Variants in ATP8A1 observed in about 807,000 individuals in gnomAD.
ATP8A1 encodes ATPase phospholipid transporting 8A1.
ATP8A1 carries 90 observed loss-of-function variants against 177.7 expected under a neutral mutation model. The observed-to-expected ratio is 0.51, with a 90% CI of 0.43 to 0.60. ATP8A1 has a LOEUF of 0.60. ATP8A1 is among the 20% of genes least tolerant of loss of function. The pLI, the probability that ATP8A1 is intolerant of heterozygous loss-of-function variation, is 0.00. For missense variants in ATP8A1, 1,072 were observed against 1,392.8 expected, an observed-to-expected ratio of 0.77 and a Z score of 3.67; for synonymous variants, 493 against 485.9, an observed-to-expected ratio of 1.01 and a Z score of -0.19.
intron 15 of ATP8A1, among the ~76,000 whole-genome samples, chr4:42,560,111 T>C (rs61181787): frequency 0.042 from 6,449 of 152,244 alleles, 185 homozygotes; most frequent in African/African-American, 0.079. Context: ...AAGCTTTTTA[T>C]GGAATATGAA....
chr4:42,471,452 T>C (rs891183404), intron 25 of ATP8A1, among the ~76,000 whole-genome samples: 1 of 152,222 alleles, frequency 6.6e-6, no homozygotes, highest in Non-Finnish European at 1.5e-5. Context: ...AACCTCTCTT[T>C]TGTAGAATTT....
intron 25 of ATP8A1, among the ~76,000 whole-genome samples, chr4:42,480,320 A>T (rs551215555): frequency 6.6e-6 from 1 of 152,300 alleles, no homozygotes; most frequent in East Asian, 1.9e-4. Flanking sequence ...TTGGCATTTT[A>T]TGAAGTTATA....
Position 42,412,846 on chromosome 4 carries a change from G to T in ATP8A1, c.*70C>A. ...TCATGGACCAGACTGGAATTGGTTA[G>T]CAGACTGCGGTGACAACCTGGTAGC... On this transcript the variant is annotated 3_prime_UTR_variant, in exon 37 of 37. Transcript: ENST00000381668. 7.4e-7 allele frequency: 1 copy of T among 1,343,260 alleles called. No homozygotes were observed. The highest frequency in any genetic ancestry group is 1.1e-6 in the Non-Finnish European group (1 of 943,082). The allele number at this position is 1,343,260 out of a possible 1,614,324, so 83.2% of individuals were successfully genotyped here.
At chr4:42,622,381 C>T (rs1452076449) in intron 4 of ATP8A1, among the ~76,000 whole-genome samples, 1 of 151,244 alleles carries the variant, frequency 6.6e-6, no homozygotes, top group African/African-American at 2.4e-5. Context: ...TAATCCATCT[C>T]AAAAACAAAA....
At chr4:42,518,866 G>A (rs946106511) in intron 22 of ATP8A1, among the ~76,000 whole-genome samples, 11 of 152,150 alleles carry the variant, frequency 7.2e-5, no homozygotes, top group African/African-American at 2.7e-4. Flanking sequence ...GGTCTGACAC[G>A]CTGAAACTTG....
chr4:42,575,022 T>A (rs952757881), intron 13 of ATP8A1, among the ~76,000 whole-genome samples: 1 of 152,236 alleles, frequency 6.6e-6, no homozygotes, highest in African/African-American at 2.4e-5. Flanking sequence ...GAAACAGCTA[T>A]CAGCATTTCT....
chr4:42,474,724 T>C (rs540467432), intron 25 of ATP8A1, among the ~76,000 whole-genome samples: 2 of 152,230 alleles, frequency 1.3e-5, no homozygotes, highest in South Asian at 4.1e-4. Flanking sequence ...AGGGATTTAA[T>C]GAACTGAGAT....
intron 22 of ATP8A1, among the ~76,000 whole-genome samples, chr4:42,515,034 T>G (rs569217868): frequency 6.6e-6 from 1 of 152,296 alleles, no homozygotes; most frequent in Admixed American, 6.5e-5. Flanking sequence ...AAAGATGAAA[T>G]AAAACAAATA....
chr4:42,435,508 C>T (rs922589292), intron 33 of ATP8A1, among the ~76,000 whole-genome samples: 4 of 148,312 alleles, frequency 2.7e-5, no homozygotes, highest in South Asian at 2.1e-4. Flanking sequence ...GATGGCACAA[C>T]GACTTTCATA....
At chr4:42,571,159 G>A (rs1191837400) in intron 14 of ATP8A1, among the ~76,000 whole-genome samples, 8 of 152,150 alleles carry the variant, frequency 5.3e-5, no homozygotes, top group African/African-American at 1.9e-4. Context: ...TTGGGGGATA[G>A]TATTATGATA....
At chr4:42,474,241 G>A (rs889159578) in intron 25 of ATP8A1, among the ~76,000 whole-genome samples, 3 of 152,158 alleles carry the variant, frequency 2.0e-5, no homozygotes, top group Non-Finnish European at 4.4e-5. Context: ...GAGAAGCTGA[G>A]CGGCATGGAG....
rs577259454 is a variant in ATP8A1 at position 42,600,946 on chromosome 4, A to T, written c.410-428T>A. ...AGTTTAGTAAAAATTTAACACATAAAGCCAACAGAGAAAGAATTTGTACCT... is the reference window on the plus strand; with the variant it reads ...AGTTTAGTAAAAATTTAACACATAATGCCAACAGAGAAAGAATTTGTACCT... On this transcript the variant is annotated intron_variant, in intron 5 of 36. Coordinates refer to ENST00000381668, the MANE Select transcript of ATP8A1 (RefSeq NM_006095.2). 1.0e-3 allele frequency among the ~76,000 whole-genome samples: 156 copies of T among 152,248 alleles called. 4 individuals are homozygous for T. In the South Asian group the frequency reaches 0.016, roughly 16 times the overall value.
At chr4:42,655,503 C>T (rs548651847) in intron 1 of ATP8A1, among the ~76,000 whole-genome samples, 1 of 152,218 alleles carries the variant, frequency 6.6e-6, no homozygotes, top group African/African-American at 2.4e-5. Context: ...ACTAATTTCA[C>T]TCAGAAGTGT....
At chr4:42,538,392 T>C (rs1728051572) in intron 20 of ATP8A1, among the ~76,000 whole-genome samples, 1 of 151,960 alleles carries the variant, frequency 6.6e-6, no homozygotes, top group African/African-American at 2.4e-5. Context: ...CAAAAGCAAA[T>C]GCAACAAAGA....
intron 33 of ATP8A1, among the ~76,000 whole-genome samples, chr4:42,438,045 A>C (rs1716187471): frequency 7.0e-6 from 1 of 142,254 alleles, no homozygotes; most frequent in East Asian, 1.9e-4. Context: ...GATGGGTGGC[A>C]CTGATGCTAG....
At chr4:42,465,227 C>T in intron 25 of ATP8A1, 151 bp from the exon 26 acceptor site, 1 of 708,570 alleles carries the variant, frequency 1.4e-6, no homozygotes, top group South Asian at 2.1e-5. Context: ...AATGTTTACT[C>T]ATCTGTTAAC....
In ATP8A1 at chr4:42,461,649, A is replaced by G. The variant is rs529038448; in HGVS notation, c.2619+3041T>C. 3.3e-5 allele frequency among the ~76,000 whole-genome samples: 5 copies of G among 152,348 alleles called. No homozygotes were observed. The East Asian group carries it at 9.6e-4, about 29-fold the overall frequency. On this transcript the variant is annotated intron_variant, in intron 27 of 36. Transcript: ENST00000381668. Reference sequence around the variant, plus strand: ...ATGTCTTCATCAGCAGCGTGAGAACAGACTAATACAATAAATTGGTACCAG... The same window carrying G: ...ATGTCTTCATCAGCAGCGTGAGAACGGACTAATACAATAAATTGGTACCAG...
intron 5 of ATP8A1, among the ~76,000 whole-genome samples, chr4:42,613,728 C>G (rs1039897168): frequency 2.0e-5 from 3 of 151,956 alleles, no homozygotes; most frequent in African/African-American, 7.2e-5. Context: ...GGATTACAGG[C>G]GCCTGCCACC....
At chr4:42,603,431 TACTTC>T (rs1479380696) in intron 5 of ATP8A1, among the ~76,000 whole-genome samples, 1 of 152,218 alleles carries the variant, frequency 6.6e-6, no homozygotes, top group Non-Finnish European at 1.5e-5. Flanking sequence ...GTAATTTTGT[TACTTC>T]ACTTATTAGT....
Sources: allele counts gnomAD v4.1 joint callset (sites outside exome capture counted in the v4.1 genomes callset), GRCh38; gene constraint gnomAD v4.1.1; transcripts MANE v1.5; gene names NCBI Gene and HGNC (gene_info 2026-07-23, HGNC 2026-07-21).